PALLD: variants seen among roughly 807,000 people sequenced by gnomAD.
The protein encoded by PALLD is palladin.
A neutral mutation model predicts 123.5 loss-of-function variants in PALLD; 61 were observed. The observed-to-expected ratio is 0.49, with a 90% CI of 0.40 to 0.61. The LOEUF is 0.61. Ranked by LOEUF, PALLD falls within the 20% of genes least tolerant of loss-of-function variation. The pLI is 0.00. For synonymous variants in PALLD, 465 were observed against 496.4 expected (o/e 0.94, Z 0.84); for missense variants, 1,273 against 1,377.0 (o/e 0.92, Z 1.20).
intron 10 of PALLD, among the ~76,000 whole-genome samples, chr4:168,880,454 G>A (rs372631734): frequency 7.2e-5 from 11 of 152,266 alleles, no homozygotes; most frequent in East Asian, 1.9e-4. Flanking sequence ...TGTGGTTACC[G>A]TTTTGTCCTC....
At chr4:168,909,616 A>G (rs982158303) in intron 15 of PALLD, among the ~76,000 whole-genome samples, 1 of 152,154 alleles carries the variant, frequency 6.6e-6, no homozygotes, top group Admixed American at 6.5e-5. Flanking sequence ...ATTCCCTTCC[A>G]TTATTCTTAT....
chr4:168,876,881 A>G (rs994674664), intron 10 of PALLD, among the ~76,000 whole-genome samples: 2 of 152,234 alleles, frequency 1.3e-5, no homozygotes, highest in Admixed American at 1.3e-4. Context: ...AACATCCTGG[A>G]TGTACAGCAA....
intron 10 of PALLD, among the ~76,000 whole-genome samples, chr4:168,781,196 G>A (rs369886808): frequency 2.0e-5 from 3 of 152,290 alleles, no homozygotes; most frequent in African/African-American, 7.2e-5. Flanking sequence ...AATAACACCA[G>A]CATGGAATCA....
chr4:168,829,890 A>G (rs760019132), intron 10 of PALLD, among the ~76,000 whole-genome samples: 133 of 152,332 alleles, frequency 8.7e-4, no homozygotes, highest in Admixed American at 2.5e-3. Context: ...AATGCTTTGT[A>G]TTATCCCCAG....
intron 2 of PALLD, among the ~76,000 whole-genome samples, chr4:168,653,477 A>G (rs971567740): frequency 1.3e-5 from 2 of 152,190 alleles, no homozygotes; most frequent in Non-Finnish European, 2.9e-5. Context: ...CTTTCTCACA[A>G]TGTACACAGA....
chr4:168,691,210 T>C, intron 7 of PALLD, 59 bp from the exon 8 acceptor site: 2 of 1,282,206 alleles, frequency 1.6e-6, no homozygotes, highest in Non-Finnish European at 2.3e-6. Context: ...TTTTTTTTAA[T>C]TAAATGGAAC....
chr4:168,601,545 T>G (rs1264865122), intron 2 of PALLD, among the ~76,000 whole-genome samples: 2 of 152,132 alleles, frequency 1.3e-5, no homozygotes, highest in East Asian at 3.9e-4. Context: ...AAAATTCACA[T>G]GCACAAAGCC....
chr4:168,530,766 A>G (rs946085049), intron 2 of PALLD: 18 of 152,206 alleles, frequency 1.2e-4, no homozygotes, highest in African/African-American at 4.3e-4. Context: ...GGGAGCCAAG[A>G]AGGCAGGTCA....
intron 2 of PALLD, among the ~76,000 whole-genome samples, chr4:168,517,940 C>T (rs1276907428): frequency 6.6e-6 from 1 of 152,160 alleles, no homozygotes; most frequent in African/African-American, 2.4e-5. Context: ...TTAAGATGTG[C>T]ATACACTAAG....
chr4:168,662,931 C>T (rs1361898288), intron 2 of PALLD, among the ~76,000 whole-genome samples: 1 of 152,160 alleles, frequency 6.6e-6, no homozygotes, highest in African/African-American at 2.4e-5. Context: ...AGGCAGATTT[C>T]CTTTTCTCAT....
At chr4:168,784,302 C>G (rs972032767) in intron 10 of PALLD, among the ~76,000 whole-genome samples, 8 of 150,622 alleles carry the variant, frequency 5.3e-5, no homozygotes, top group Non-Finnish European at 1.0e-4. Flanking sequence ...CACTGCACTT[C>G]AGCCTGGGAA....
In PALLD at chr4:168,512,283, A is replaced by G; in HGVS notation, c.779A>G (p.Gln260Arg). 1 of 1,614,162 alleles carries G rather than the reference A, an allele frequency of 6.2e-7. No homozygotes were observed. Residue 260 changes from glutamine to arginine, a missense_variant, in exon 2 of 22, where the codon CAG (glutamine) becomes CGG (arginine). Gln to Arg is a conservative substitution (Grantham distance 43). This residue lies in a region of PALLD where 944 missense variants were observed against 954.5 expected (regional missense o/e 0.99). Coordinates refer to ENST00000505667, the MANE Select transcript of PALLD (RefSeq NM_001166108.2). Reference sequence around the variant, plus strand: ...CCACACAACCGCAAGTCTCACCCACAGCCCCACAGCGCCCTCCACTTCCCA... The same window carrying G: ...CCACACAACCGCAAGTCTCACCCACGGCCCCACAGCGCCCTCCACTTCCCA... ...AVPHNRKSHP[Q>R]PHSALHFPAA...
At chr4:168,613,077 G>A (rs574529645) in intron 2 of PALLD, among the ~76,000 whole-genome samples, 1 of 152,258 alleles carries the variant, frequency 6.6e-6, no homozygotes, top group African/African-American at 2.4e-5. Flanking sequence ...TATTCTGGGA[G>A]GTGGCATGAC....
rs545169529 is a variant in PALLD at position 168,601,585 on chromosome 4, G to T, written c.909-66605G>T. On this transcript the variant is annotated intron_variant, in intron 2 of 21. Transcript: ENST00000505667. ...CAAACTCCATTCCTCTCTCTGAATAGATCCAACCCTCCGCTTCCTGATCTG... is the reference window on the plus strand; with the variant it reads ...CAAACTCCATTCCTCTCTCTGAATATATCCAACCCTCCGCTTCCTGATCTG... 2.0e-5 allele frequency among the ~76,000 whole-genome samples: 3 copies of T among 152,160 alleles called. No homozygotes were observed. In the South Asian group the frequency reaches 6.2e-4, roughly 32 times the overall value.
intron 10 of PALLD, among the ~76,000 whole-genome samples, chr4:168,801,694 C>A (rs1739360401): frequency 6.6e-6 from 1 of 152,190 alleles, no homozygotes; most frequent in South Asian, 2.1e-4. Context: ...CACTAAGAAT[C>A]CACACCCAAG....
intron 2 of PALLD, among the ~76,000 whole-genome samples, chr4:168,643,348 A>G (rs150709861): frequency 1.3e-5 from 2 of 152,336 alleles, no homozygotes; most frequent in Non-Finnish European, 2.9e-5. Context: ...TTCAGTTACA[A>G]GGAACTTGAA....
At chr4:168,501,832 G>A (rs1228860360) in intron 1 of PALLD, among the ~76,000 whole-genome samples, 1 of 152,198 alleles carries the variant, frequency 6.6e-6, no homozygotes, top group African/African-American at 2.4e-5. Flanking sequence ...GTCTGTAGAT[G>A]TGAACATTAA....
chr4:168,580,307 G>A (rs760181147), intron 2 of PALLD, among the ~76,000 whole-genome samples: 7 of 151,464 alleles, frequency 4.6e-5, no homozygotes, highest in Non-Finnish European at 8.8e-5. Context: ...TCAACAGATG[G>A]GCAAAGGACA....
At chr4:168,547,052 G>A (rs913895062) in intron 2 of PALLD, among the ~76,000 whole-genome samples, 1 of 151,882 alleles carries the variant, frequency 6.6e-6, no homozygotes, top group Non-Finnish European at 1.5e-5. Context: ...ATTCCAACCT[G>A]TTCATACATT....
Sources: allele counts gnomAD v4.1 joint callset (sites outside exome capture counted in the v4.1 genomes callset), GRCh38; gene constraint gnomAD v4.1.1; regional missense constraint gnomAD v4.1.1; transcripts MANE v1.5; gene names NCBI Gene and HGNC (gene_info 2026-07-23, HGNC 2026-07-21).